The following CSNK1G3 variants were observed in gnomAD, a reference collection of about 807,000 sequenced individuals.
The protein encoded by CSNK1G3 is casein kinase I isoform gamma-3.
Under a neutral mutation model 64.3 loss-of-function variants are expected in CSNK1G3, and 23 were observed. The observed-to-expected ratio is 0.36, with a 90% confidence interval of 0.26 to 0.51. CSNK1G3 has a LOEUF of 0.51. CSNK1G3 is among the 20% of genes least tolerant of loss of function. CSNK1G3 has a pLI of 0.96. For synonymous variants in CSNK1G3, 158 were observed against 162.2 expected (o/e 0.97, Z 0.20); for missense variants, 357 against 510.5 (o/e 0.70, Z 2.90).
chr5:123,526,157 C>T (rs547730298), intron 1 of CSNK1G3, among the ~76,000 whole-genome samples: 11 of 152,106 alleles, frequency 7.2e-5, no homozygotes, highest in African/African-American at 1.9e-4. Context: ...CCCATCTCAG[C>T]CCCCCACATT....
chr5:123,588,315 A>G lies in CSNK1G3; in HGVS notation c.760-112A>G, dbSNP rs969133218. On this transcript the variant is annotated intron_variant, in intron 7 of 12. Transcript: ENST00000345990. ...TGGTCTCAAACTCCTGGGCTCAAGC[A>G]TTCCTTCTGCCTTGGCCTTCCAAAG... 47 of 1,068,968 alleles carry G rather than the reference A, an allele frequency of 4.4e-5. No homozygotes were observed. In the African/African-American group the frequency reaches 6.5e-4, roughly 15 times the overall value. The allele number at this position is 1,068,968 out of a possible 1,614,324, so 66.2% of individuals were successfully genotyped here.
intron 3 of CSNK1G3, among the ~76,000 whole-genome samples, chr5:123,555,924 T>C (rs1255443603): frequency 6.6e-6 from 1 of 152,142 alleles, no homozygotes; most frequent in African/African-American, 2.4e-5. Flanking sequence ...ATAGGTAATA[T>C]AGTGCTATAT....
At chr5:123,517,353 G>A (rs1777355279) in intron 1 of CSNK1G3, among the ~76,000 whole-genome samples, 2 of 152,148 alleles carry the variant, frequency 1.3e-5, no homozygotes, top group South Asian at 4.1e-4. Context: ...CCAACACACT[G>A]TTATGGCACT....
chr5:123,574,264 A>C (rs1239164691), intron 5 of CSNK1G3, among the ~76,000 whole-genome samples: 1 of 152,170 alleles, frequency 6.6e-6, no homozygotes, highest in Non-Finnish European at 1.5e-5. Context: ...TTGGATAACA[A>C]TTAGAGAGTG....
chr5:123,543,802 G>A (rs188932125), intron 1 of CSNK1G3, among the ~76,000 whole-genome samples: 6 of 152,238 alleles, frequency 3.9e-5, no homozygotes, highest in African/African-American at 1.4e-4. Context: ...GAGATGTTCA[G>A]TATAGTTACT....
At chr5:123,539,837 C>T (rs1323921352) in intron 1 of CSNK1G3, among the ~76,000 whole-genome samples, 1 of 151,802 alleles carries the variant, frequency 6.6e-6, no homozygotes, top group Non-Finnish European at 1.5e-5. Context: ...AGATATGGAA[C>T]TTTTGATATT....
chr5:123,533,099 A>C (rs971138900), intron 1 of CSNK1G3, among the ~76,000 whole-genome samples: 1 of 151,894 alleles, frequency 6.6e-6, no homozygotes, highest in Non-Finnish European at 1.5e-5. Flanking sequence ...TACTTAATCT[A>C]TTACTTACCA....
chr5:123,603,231 A>G (rs777360785), intron 10 of CSNK1G3, among the ~76,000 whole-genome samples: 3 of 152,108 alleles, frequency 2.0e-5, no homozygotes, highest in South Asian at 4.1e-4. Flanking sequence ...GAATAAACAC[A>G]TGGAAAATTT....
At chr5:123,541,699 T>C (rs566110086) in intron 1 of CSNK1G3, among the ~76,000 whole-genome samples, 2 of 152,340 alleles carry the variant, frequency 1.3e-5, no homozygotes, top group Middle Eastern at 3.4e-3. Context: ...CCCAAAGTGC[T>C]GGGATTACAG....
chr5:123,556,413 A>T (rs1410555009), intron 3 of CSNK1G3, among the ~76,000 whole-genome samples: 1 of 151,954 alleles, frequency 6.6e-6, no homozygotes, highest in South Asian at 2.1e-4. Context: ...ACTGTTATCA[A>T]ATCCATACTA....
In CSNK1G3 at chr5:123,588,205, A is replaced by G. The variant is rs1296627661; in HGVS notation, c.759+52A>G. On this transcript the variant is annotated intron_variant, in intron 7 of 12. Transcript: ENST00000345990. ...AATTTCATAAAATATTAAGATATTA[A>G]GGTCCTGTCTTCCAACTAAACAGTT... The G allele has an allele frequency of 6.0e-6, 8 of 1,323,386 alleles. No homozygotes were observed. In the African/African-American group the frequency reaches 8.8e-5, roughly 15 times the overall value. The allele number at this position is 1,323,386 out of a possible 1,614,324, so 82.0% of individuals were successfully genotyped here.
At chr5:123,532,334 C>G (rs1205303394) in intron 1 of CSNK1G3, among the ~76,000 whole-genome samples, 1 of 151,634 alleles carries the variant, frequency 6.6e-6, no homozygotes, top group East Asian at 1.9e-4. Flanking sequence ...TTTCTTCATC[C>G]TTTTTGTAGT....
chr5:123,544,237 C>G (rs1161306291), intron 1 of CSNK1G3, among the ~76,000 whole-genome samples: 2 of 152,188 alleles, frequency 1.3e-5, no homozygotes, highest in African/African-American at 4.8e-5. Context: ...TCAGTCAGCT[C>G]CTCTCTTGCT....
intron 1 of CSNK1G3, among the ~76,000 whole-genome samples, chr5:123,518,219 C>A (rs372780250): frequency 2.0e-5 from 3 of 152,198 alleles, no homozygotes; most frequent in Non-Finnish European, 4.4e-5. Context: ...GCACTTGAGC[C>A]TCCTATCTCA....
intron 8 of CSNK1G3, among the ~76,000 whole-genome samples, chr5:123,588,905 AC>A (rs1177217860): frequency 6.6e-6 from 1 of 150,902 alleles, no homozygotes; most frequent in African/African-American, 2.5e-5. Flanking sequence ...TTCAAATTAA[AC>A]TTAAATTAAG....
chr5:123,523,390 C>T (rs1778486709), intron 1 of CSNK1G3, among the ~76,000 whole-genome samples: 1 of 152,124 alleles, frequency 6.6e-6, no homozygotes, highest in Non-Finnish European at 1.5e-5. Context: ...TTTGATGTTG[C>T]TTCCTGGGTC....
intron 1 of CSNK1G3, among the ~76,000 whole-genome samples, chr5:123,519,046 C>T (rs1777648481): frequency 6.7e-6 from 1 of 149,636 alleles, no homozygotes; most frequent in African/African-American, 2.5e-5. Flanking sequence ...AGGCTTGAGT[C>T]ACCGTGGCTG....
At chr5:123,522,304 C>T (rs1778251697) in intron 1 of CSNK1G3, among the ~76,000 whole-genome samples, 1 of 151,968 alleles carries the variant, frequency 6.6e-6, no homozygotes, top group Admixed American at 6.6e-5. Context: ...GAGATTGAGA[C>T]CGTCTGGCTA....
intron 3 of CSNK1G3, among the ~76,000 whole-genome samples, chr5:123,553,948 T>G (rs1784154376): frequency 6.6e-6 from 1 of 152,176 alleles, no homozygotes; most frequent in Non-Finnish European, 1.5e-5. Context: ...TACACATATA[T>G]GTATGTGTAT....
Sources: allele counts gnomAD v4.1 joint callset (sites outside exome capture counted in the v4.1 genomes callset), GRCh38; gene constraint gnomAD v4.1.1; transcripts MANE v1.5; gene names NCBI Gene and HGNC (gene_info 2026-07-23, HGNC 2026-07-21).